BAZ2A: variants seen among roughly 807,000 people sequenced by gnomAD.
The protein encoded by BAZ2A is bromodomain adjacent to zinc finger domain 2A, also known as bromodomain adjacent to zinc finger domain protein 2A.
Under a neutral mutation model 199.9 loss-of-function variants are expected in BAZ2A, and 34 were observed. The observed-to-expected ratio is 0.17, with a 90% CI of 0.13 to 0.23. The LOEUF (loss-of-function observed/expected upper bound fraction) is 0.23, where lower values mean the gene tolerates loss of function less well. Ranked by LOEUF, BAZ2A falls within the 10% of genes least tolerant of loss-of-function variation. The pLI, the probability that BAZ2A is intolerant of heterozygous loss-of-function variation, is 1.00. For missense variants in BAZ2A, 2,002 were observed against 2,391.1 expected (o/e 0.84, Z 3.39); for synonymous variants, 857 against 883.9 (o/e 0.97, Z 0.54).
In BAZ2A at chr12:56,602,137, C is replaced by T. The variant is rs781453552; in HGVS notation, c.3480G>A (p.Ala1160=). 25 of 1,593,206 alleles carry T rather than the reference C, an allele frequency of 1.6e-5. No homozygotes were observed. In the South Asian group the frequency reaches 1.9e-4, roughly 12 times the overall value. ...TAGAGAAGAGGGCAGGGTTGAGTGA[C>T]GCATGGGCTGCCACTTTTAAGGAGT... The part of the protein sequence containing the change: ...ETDSLKVAAH[A]SLNPALFSMK... The change falls in exon 20 of 29, where the codon GCG becomes GCA. Residue 1160 remains alanine (A), a synonymous_variant. Transcript: ENST00000549884.
In BAZ2A at chr12:56,615,317, C is replaced by A; in HGVS notation, c.427G>T (p.Gly143Trp). ...CCGTTGGCCCAGAACTCTTGGCTCC[C>A]AGCCCGAAGGTTAGTGTTATGACTT... ...SPSHNTNLRA[G>W]SQEFWANGTQ... The change falls in exon 3 of 29, where the codon GGG (glycine) becomes TGG (tryptophan). Residue 143 changes from glycine (G) to tryptophan (W), a missense_variant. Gly to Trp is a radical substitution (Grantham distance 184). Transcript: ENST00000549884. 1 of 1,613,914 alleles carries A rather than the reference C, an allele frequency of 6.2e-7. No individual in the cohort carries two copies. Among genetic ancestry groups the A allele is most frequent in the Non-Finnish European group, 8.5e-7 (1 of 1,179,870 alleles).
At position 56,601,607 on chromosome 12, in the gene BAZ2A, G is replaced by A. The variant is rs1311085918; in HGVS notation, c.4010C>T (p.Pro1337Leu). ...GGGTTGGTCCTCAGAAACTGCAGGG[G>A]GCGGTGTGGGGGCAGCATTGCAGGG... is the stretch of plus-strand genomic sequence containing the variant. ...QMPCNAAPTP[P>L]PAVSEDQPTP... The change falls in exon 20 of 29, where the codon CCC becomes CTC. Residue 1337 changes from proline to leucine, a missense_variant. Pro to Leu is a moderately conservative substitution (Grantham distance 98, BLOSUM62 -3). This residue lies in a region of BAZ2A where 1,081 missense variants were observed against 1,274.7 expected (regional missense o/e 0.85). Coordinates refer to ENST00000549884, the MANE Select transcript of BAZ2A (RefSeq NM_001300905.2). The A allele has an allele frequency of 1.9e-6, 3 of 1,613,974 alleles. No individual in the cohort carries two copies. The highest frequency in any genetic ancestry group is 2.5e-6 in the Non-Finnish European group (3 of 1,179,890).
upstream of BAZ2A, among the ~76,000 whole-genome samples, chr12:56,630,583 G>A (rs143085259): frequency 2.2e-4 from 33 of 152,354 alleles, no homozygotes; most frequent in East Asian, 4.8e-3. Context: ...TAACTTAAAA[G>A]ACTAGACCAA....
At chr12:56,634,135 G>T (rs1481623233), upstream of BAZ2A, among the ~76,000 whole-genome samples, 1 of 152,198 alleles carries the variant, frequency 6.6e-6, no homozygotes, top group Non-Finnish European at 1.5e-5. Flanking sequence ...GTTAGAGAAA[G>T]CCCCTATTTC....
At chr12:56,634,111 T>C (rs1165773233), upstream of BAZ2A, among the ~76,000 whole-genome samples, 1 of 152,154 alleles carries the variant, frequency 6.6e-6, no homozygotes, top group Non-Finnish European at 1.5e-5. Flanking sequence ...GGATTCTCTA[T>C]GGTGGTCCTG....
upstream of BAZ2A, among the ~76,000 whole-genome samples, chr12:56,633,276 C>G (rs1951362284): frequency 6.6e-6 from 1 of 152,082 alleles, no homozygotes; most frequent in Non-Finnish European, 1.5e-5. Flanking sequence ...TCGTTTGCAT[C>G]CCTCTACATC....
Position 56,604,402 on chromosome 12 carries a change from G to C in BAZ2A, c.2964-111C>G, listed in dbSNP as rs916427187. The C allele has an allele frequency of 1.1e-5, 15 of 1,338,792 alleles. No homozygotes were observed. The African/African-American group carries it at 2.0e-4, about 18-fold the overall frequency. 82.9% of individuals were successfully genotyped at this position (1,338,792 alleles called of 1,614,324 possible). On this transcript the variant is annotated intron_variant, in intron 15 of 28. Coordinates refer to ENST00000549884, the MANE Select transcript of BAZ2A (RefSeq NM_001300905.2). ...GGAGTTCCAGCCTAGAACCCAGATTGGGTGAATGGCAGAAGGCTTAGGCTC... is the reference window on the plus strand; with the variant it reads ...GGAGTTCCAGCCTAGAACCCAGATTCGGTGAATGGCAGAAGGCTTAGGCTC...
Position 56,606,742 on chromosome 12 carries a change from G to T in BAZ2A, c.2093-9C>A. 1 of 1,607,444 alleles carries T rather than the reference G, an allele frequency of 6.2e-7. No homozygotes were observed. Among genetic ancestry groups the T allele is most frequent in the South Asian group, 1.1e-5 (1 of 90,938 alleles). On this transcript the variant is annotated splice_polypyrimidine_tract_variant and intron_variant, in intron 10 of 28. Coordinates refer to ENST00000549884, the MANE Select transcript of BAZ2A (RefSeq NM_001300905.2). ...CTCCTCATTCAATGTTTCTGTGAGAGCAGAAAGAAAAATGAAACAAGTGAG... is the reference window on the plus strand; with the variant it reads ...CTCCTCATTCAATGTTTCTGTGAGATCAGAAAGAAAAATGAAACAAGTGAG...
chr12:56,606,384 CAGACA>C, intron 11 of BAZ2A, 72 bp from the exon 12 acceptor site: 2 of 1,564,076 alleles, frequency 1.3e-6, no homozygotes, highest in Non-Finnish European at 1.8e-6. Context: ...GATTCAAAAA[CAGACA>C]AGGGTGCTGG....
At position 56,613,938 on chromosome 12, in the gene BAZ2A, A is replaced by G. The variant is rs979252526; in HGVS notation, c.916+15T>C. 6.2e-7 allele frequency: 1 copy of G among 1,610,422 alleles called. No individual in the cohort carries two copies. Among genetic ancestry groups the G allele is most frequent in the South Asian group, 1.1e-5 (1 of 90,810 alleles). On this transcript the variant is annotated intron_variant, in intron 4 of 28. Transcript: ENST00000549884. The stretch of plus-strand genomic sequence containing the variant: ...CTGCATGGATAAGTTAAAGGGACAT[A>G]GCCTCCAAACCTACCTGGTGCCAGA...
Position 56,601,651 on chromosome 12 carries a change from A to G in BAZ2A, c.3966T>C (p.Phe1322=). 1 of 1,613,976 alleles carries G rather than the reference A, an allele frequency of 6.2e-7. No individual in the cohort carries two copies. Among genetic ancestry groups the G allele is most frequent in the Non-Finnish European group, 8.5e-7 (1 of 1,179,888 alleles). The part of the protein sequence containing the change: ...ESSPDPQALW[F]NISAQMPCNA... ...TGCAGGGCATCTGGGCTGAGATGTT[A>G]AACCAGAGTGCTTGAGGATCAGGGC... is the stretch of plus-strand genomic sequence containing the variant. Residue 1322 remains phenylalanine, a synonymous_variant, in exon 20 of 29, where the codon TTT becomes TTC. Coordinates refer to ENST00000549884, the MANE Select transcript of BAZ2A (RefSeq NM_001300905.2).
intron 1 of BAZ2A, chr12:56,629,922 G>A (rs1046672954): frequency 1.5e-5 from 4 of 259,952 alleles, no homozygotes; most frequent in Non-Finnish European, 2.4e-5. Context: ...GTCCTCAGCA[G>A]CCCCACCAGC....
rs927927778 is a variant in BAZ2A at position 56,600,983 on chromosome 12, G to A, written c.4410C>T (p.His1470=). The A allele has an allele frequency of 6.2e-7, 1 of 1,613,182 alleles. No homozygotes were observed. Among genetic ancestry groups the A allele is most frequent in the Non-Finnish European group, 8.5e-7 (1 of 1,179,486 alleles). Residue 1470 remains histidine (H), a synonymous_variant, in exon 22 of 29, where the codon CAC becomes CAT. Transcript: ENST00000549884. ...EKALHKHLNK[H]RDFLQEVCLR... is the part of the protein sequence containing the mutation. Reference sequence around the variant, plus strand: ...GGCAGACTTCCTGCAAGAAGTCCCTGTGCTTGTTAAGGTGTTTGTGAAGTG... The same window carrying A: ...GGCAGACTTCCTGCAAGAAGTCCCTATGCTTGTTAAGGTGTTTGTGAAGTG...
rs758495116 is a variant in BAZ2A at position 56,599,687 on chromosome 12, G to A, written c.5172+15C>T. The stretch of plus-strand genomic sequence containing the variant: ...TTTCTGTTTGAGTGTGGGAAAGAAA[G>A]AGCAGAAGCCTTACCTGAGCCAAAC... On this transcript the variant is annotated intron_variant, in intron 26 of 28. Transcript: ENST00000549884. 6.2e-7 allele frequency: 1 copy of A among 1,612,802 alleles called. No homozygotes were observed. The highest frequency in any genetic ancestry group is 8.5e-7 in the Non-Finnish European group (1 of 1,179,824).
At chr12:56,634,312 C>T (rs1951392153), upstream of BAZ2A, among the ~76,000 whole-genome samples, 2 of 152,164 alleles carry the variant, frequency 1.3e-5, 1 homozygote, top group South Asian at 4.1e-4. Context: ...GCCCTGGCCC[C>T]CAGCTCCCAG....
At position 56,606,710 on chromosome 12, in the gene BAZ2A, C is replaced by T. The variant is rs754298713; in HGVS notation, c.2116G>A (p.Ala706Thr). 13 of 1,613,868 alleles carry T rather than the reference C, an allele frequency of 8.1e-6. No individual in the cohort carries two copies. Among genetic ancestry groups the T allele is most frequent in the Non-Finnish European group, 1.1e-5 (13 of 1,179,854 alleles). The change falls in exon 11 of 29, where the codon GCA (alanine) becomes ACA (threonine). Residue 706 changes from alanine (A) to threonine (T), a missense_variant. By Grantham distance (58) the Ala-to-Thr change is moderately conservative (BLOSUM62 0). Coordinates refer to ENST00000549884, the MANE Select transcript of BAZ2A (RefSeq NM_001300905.2). The part of the protein sequence containing the change: ...AQETLNEEDK[A>T]KIAKSKKKMR... ...TTCTTCTTGCTTTTAGCAATCTTTG[C>T]TTTATCCTCCTCATTCAATGTTTCT...
At chr12:56,607,987 G>GGA (rs1950420061) in intron 10 of BAZ2A, among the ~76,000 whole-genome samples, 1 of 151,864 alleles carries the variant, frequency 6.6e-6, no homozygotes, top group Admixed American at 6.6e-5. Context: ...GGCTGAGGCA[G>GGA]GAGAATCGCT....
chr12:56,636,580 G>A (rs1298468062), upstream of BAZ2A: 4 of 215,872 alleles, frequency 1.9e-5, no homozygotes, highest in African/African-American at 9.2e-5. Flanking sequence ...CTCGATAAAC[G>A]CTGAAGGACG....
chr12:56,601,191 G>T lies in BAZ2A; in HGVS notation c.4283C>A (p.Pro1428His). Residue 1428 changes from proline (P) to histidine (H), a missense_variant, in exon 21 of 29, where the codon CCT (proline) becomes CAT (histidine). Pro to His is a moderately conservative substitution (Grantham distance 77, BLOSUM62 -2). Transcript: ENST00000549884. ...QRYLTQLTAQ[P>H]VPPEMCSGWW... is the part of the protein sequence containing the mutation. Reference sequence around the variant, plus strand: ...CCAAGGTCACTCACCAGGTGGGACAGGCTGGGCTGTCAGCTGGGTTAGGTA... The same window carrying T: ...CCAAGGTCACTCACCAGGTGGGACATGCTGGGCTGTCAGCTGGGTTAGGTA... The T allele has an allele frequency of 1.2e-6, 2 of 1,614,078 alleles. No individual in the cohort carries two copies. The highest frequency in any genetic ancestry group is 8.5e-7 in the Non-Finnish European group (1 of 1,179,908).
Sources: gnomAD v4.1 joint callset for allele counts (sites outside exome capture counted in the v4.1 genomes callset) on GRCh38, gnomAD v4.1.1 for gene constraint, gnomAD v4.1.1 regional missense constraint, MANE v1.5 for transcripts, NCBI Gene and HGNC (gene_info 2026-07-23, HGNC 2026-07-21) for gene names.